The following C3orf20 variants were observed in gnomAD, a reference collection of about 807,000 sequenced individuals.
The protein encoded by C3orf20 is uncharacterized protein C3orf20.
C3orf20 carries 76 observed loss-of-function variants against 88.3 expected under a neutral mutation model. The observed-to-expected ratio is 0.86, with a 90% CI of 0.72 to 1.04. C3orf20 has a LOEUF of 1.04. C3orf20 is among the 50% of genes least tolerant of loss of function. C3orf20 has a pLI of 0.00. For missense variants in C3orf20, 1,056 were observed against 1,123.3 expected (o/e 0.94, Z 0.86); for synonymous variants, 436 against 437.4 (o/e 1.00, Z 0.04).
In C3orf20 at chr3:14,741,443, T is replaced by C. The variant is rs77196193; in HGVS notation, c.1940+12755T>C. On this transcript the variant is annotated intron_variant, in intron 12 of 16. Transcript: ENST00000253697. The stretch of plus-strand genomic sequence containing the variant: ...TAAATGTCATGCTCACTTTCATTAG[T>C]TTCTCTCTTTTACCAGATCCTAGCC... Among the ~76,000 whole-genome samples the C allele has an allele frequency of 2.4e-3, 365 of 152,310 alleles. 2 individuals carry two copies. The highest frequency in any genetic ancestry group is 8.3e-3 in the African/African-American group (347 of 41,566).
At position 14,757,530 on chromosome 3, in the gene C3orf20, C is replaced by G; in HGVS notation, c.2100C>G (p.Phe700Leu). ...PLVSDVELER[F>L]LLAPRDPSQV... is the part of the protein sequence containing the mutation. ...TCTCTGACGTGGAGCTGGAGCGCTT[C>G]CTGTTGGCGCCCCGAGACCCCAGCC... The change falls in exon 13 of 17, where the codon TTC becomes TTG. Residue 700 changes from phenylalanine (F) to leucine (L), a missense_variant. Coordinates refer to ENST00000253697, the MANE Select transcript of C3orf20 (RefSeq NM_032137.5). 1 of 1,614,146 alleles carries G rather than the reference C, an allele frequency of 6.2e-7. No homozygotes were observed. The highest frequency in any genetic ancestry group is 8.5e-7 in the Non-Finnish European group (1 of 1,179,996).
intron 7 of C3orf20, among the ~76,000 whole-genome samples, chr3:14,709,096 G>C (rs937133630): frequency 6.6e-5 from 10 of 152,118 alleles, no homozygotes; most frequent in African/African-American, 2.4e-4. Flanking sequence ...TAACAAAGAG[G>C]TACAGAACTT....
At chr3:14,760,551 G>A (rs1311402896) in intron 14 of C3orf20, among the ~76,000 whole-genome samples, 7 of 149,040 alleles carry the variant, frequency 4.7e-5, no homozygotes, top group African/African-American at 1.5e-4. Context: ...ATTTCCCCAT[G>A]TCCTTATTTA....
intron 15 of C3orf20, among the ~76,000 whole-genome samples, chr3:14,764,635 C>T (rs1402105646): frequency 6.6e-6 from 1 of 152,020 alleles, no homozygotes; most frequent in Admixed American, 6.6e-5. Flanking sequence ...CAGAAGTTGT[C>T]TGGGGCTAAG....
At position 14,715,837 on chromosome 3, in the gene C3orf20, A is replaced by G. The variant is rs543087969; in HGVS notation, c.1434+428A>G. On this transcript the variant is annotated intron_variant, in intron 9 of 16. Coordinates refer to ENST00000253697, the MANE Select transcript of C3orf20 (RefSeq NM_032137.5). ...TGTTTTTATAACTTTATTATCTATA[A>G]AATAAAACAATCTAGAAGTCAAAAG... Among the ~76,000 whole-genome samples the G allele has an allele frequency of 3.5e-4, 53 of 152,020 alleles. 1 individual carries two copies. Among genetic ancestry groups the G allele is most frequent in the South Asian group, 3.3e-3 (16 of 4,812 alleles).
At chr3:14,754,827 C>T (rs867001737) in intron 12 of C3orf20, among the ~76,000 whole-genome samples, 6 of 152,146 alleles carry the variant, frequency 3.9e-5, no homozygotes, top group Admixed American at 1.3e-4. Context: ...TGGGGTCCAG[C>T]ATTCCTCCCA....
At chr3:14,693,642 A>G (rs1361803801) in intron 5 of C3orf20, among the ~76,000 whole-genome samples, 1 of 152,120 alleles carries the variant, frequency 6.6e-6, no homozygotes, top group Non-Finnish European at 1.5e-5. Context: ...GCAAACAAGG[A>G]TAGTTTGACT....
At chr3:14,711,329 A>G (rs2033729673) in intron 7 of C3orf20, among the ~76,000 whole-genome samples, 2 of 152,116 alleles carry the variant, frequency 1.3e-5, no homozygotes, top group African/African-American at 4.8e-5. Flanking sequence ...AAATTTATAT[A>G]TATTGAGGCT....
intron 14 of C3orf20, among the ~76,000 whole-genome samples, chr3:14,761,178 G>A (rs953083294): frequency 1.3e-5 from 2 of 151,724 alleles, no homozygotes; most frequent in Non-Finnish European, 2.9e-5. Context: ...AAGGAGTGCT[G>A]CCCTCCTCAG....
Position 14,682,687 on chromosome 3 carries a change from C to T in C3orf20, c.-27C>T. The T allele has an allele frequency of 1.3e-6, 2 of 1,575,344 alleles. No individual in the cohort carries two copies. The highest frequency in any genetic ancestry group is 1.7e-6 in the Non-Finnish European group (2 of 1,161,318). Reference sequence around the variant, plus strand: ...TTGCTCTCAGTCACCTCTCAGAGAGCTCTCTTTATAGCTGAAGGTCCCTCT... The same window carrying T: ...TTGCTCTCAGTCACCTCTCAGAGAGTTCTCTTTATAGCTGAAGGTCCCTCT... On this transcript the variant is annotated 5_prime_UTR_variant, in exon 3 of 17. Transcript: ENST00000253697.
In C3orf20 at chr3:14,684,308, C is replaced by T. The variant is rs1384577363; in HGVS notation, c.551C>T (p.Ala184Val). The change falls in exon 4 of 17, where the codon GCC (alanine) becomes GTC (valine). Residue 184 changes from alanine (A) to valine (V), a missense_variant. Ala to Val is a moderately conservative substitution (Grantham distance 64). Coordinates refer to ENST00000253697, the MANE Select transcript of C3orf20 (RefSeq NM_032137.5). ...VEASQLLHLN[A>V]KEMAFNCLIS... ...GCCAGCCAGCTCCTCCACCTCAATG[C>T]CAAGGAGATGGCCTTCAACTGCCTG... 6.2e-7 allele frequency: 1 copy of T among 1,614,030 alleles called. No individual in the cohort carries two copies. The highest frequency in any genetic ancestry group is 8.5e-7 in the Non-Finnish European group (1 of 1,180,030).
chr3:14,695,891 G>A (rs1373829593), intron 5 of C3orf20, among the ~76,000 whole-genome samples: 1 of 151,908 alleles, frequency 6.6e-6, no homozygotes, highest in Non-Finnish European at 1.5e-5. Flanking sequence ...TAAGTAGAGT[G>A]TGCTTCTGAT....
intron 1 of C3orf20, among the ~76,000 whole-genome samples, chr3:14,681,283 C>G (rs114630836): frequency 1.0e-3 from 159 of 152,294 alleles, no homozygotes; most frequent in African/African-American, 3.6e-3. Flanking sequence ...GGCAGGCCAT[C>G]CTGGAATGGC....
chr3:14,676,053 A>G (rs1464378579), intron 1 of C3orf20, among the ~76,000 whole-genome samples: 1 of 151,462 alleles, frequency 6.6e-6, no homozygotes, highest in African/African-American at 2.4e-5. Context: ...GCTTAGTAAC[A>G]GTTTGGCCAG....
At chr3:14,680,612 C>G (rs2032035866) in intron 1 of C3orf20, among the ~76,000 whole-genome samples, 1 of 152,178 alleles carries the variant, frequency 6.6e-6, no homozygotes, top group Non-Finnish European at 1.5e-5. Context: ...ATTGTACACA[C>G]GTTAAAAAGG....
intron 9 of C3orf20, 71 bp from the exon 10 acceptor site, chr3:14,721,582 T>C (rs2034160812): frequency 6.3e-7 from 1 of 1,578,436 alleles, no homozygotes; most frequent in Non-Finnish European, 8.6e-7. Flanking sequence ...TTGTGCTTCG[T>C]GGTGGGTCAG....
intron 12 of C3orf20, among the ~76,000 whole-genome samples, chr3:14,741,736 C>T (rs1305365227): frequency 2.0e-5 from 3 of 152,224 alleles, no homozygotes; most frequent in Non-Finnish European, 2.9e-5. Flanking sequence ...GGCAGTGTTA[C>T]AGCTCTGTGA....
chr3:14,714,464 G>A (rs78016895), intron 8 of C3orf20, among the ~76,000 whole-genome samples: 73 of 152,290 alleles, frequency 4.8e-4, no homozygotes, highest in South Asian at 1.2e-3. Flanking sequence ...GAATTATTTA[G>A]TGGAAAAAAT....
At chr3:14,685,334 T>G (rs2032338470) in intron 4 of C3orf20, among the ~76,000 whole-genome samples, 1 of 151,008 alleles carries the variant, frequency 6.6e-6, no homozygotes, top group Admixed American at 6.6e-5. Context: ...AAGGGGGAAA[T>G]TCGAGGAAGT....
Sources: gnomAD v4.1 joint callset for allele counts (sites outside exome capture counted in the v4.1 genomes callset) on GRCh38, gnomAD v4.1.1 for gene constraint, MANE v1.5 for transcripts, NCBI Gene and HGNC (gene_info 2026-07-23, HGNC 2026-07-21) for gene names.